Variants in KHDRBS3 observed in about 807,000 individuals in gnomAD.
The protein encoded by KHDRBS3 is KH domain-containing, RNA-binding, signal transduction-associated protein 3.
Under a neutral mutation model 45.6 loss-of-function variants are expected in KHDRBS3, and 23 were observed. The ratio of observed to expected loss-of-function variants is 0.50; its 90% CI spans 0.36 to 0.72. The LOEUF (loss-of-function observed/expected upper bound fraction) is 0.72. KHDRBS3 is among the 30% of genes least tolerant of loss of function. The pLI is 0.00. For synonymous variants in KHDRBS3, 162 were observed against 156.5 expected (o/e 1.04, Z -0.26); for missense variants, 352 against 424.8 (o/e 0.83, Z 1.51).
intron 3 of KHDRBS3, among the ~76,000 whole-genome samples, chr8:135,548,194 C>T (rs1826405083): frequency 6.6e-6 from 1 of 152,172 alleles, no homozygotes; most frequent in Non-Finnish European, 1.5e-5. Flanking sequence ...ATACCAAGCA[C>T]TTCTCTAGAC....
At chr8:135,519,944 A>T (rs920218857) in intron 1 of KHDRBS3, among the ~76,000 whole-genome samples, 2 of 152,236 alleles carry the variant, frequency 1.3e-5, no homozygotes, top group South Asian at 2.1e-4. Flanking sequence ...ATCCCAAGAT[A>T]CTGTAAAAAT....
chr8:135,475,244 C>T (rs1822213211), intron 1 of KHDRBS3, among the ~76,000 whole-genome samples: 1 of 152,162 alleles, frequency 6.6e-6, no homozygotes, highest in Non-Finnish European at 1.5e-5. Flanking sequence ...CATTATTCTG[C>T]CTACCACAGA....
At chr8:135,458,077 TG>T in intron 1 of KHDRBS3, 123 bp downstream of exon 1, 1 of 1,393,896 alleles carries the variant, frequency 7.2e-7, no homozygotes, top group Non-Finnish European at 9.3e-7. Context: ...GAGGCCCGGG[TG>T]GCCCCCGGGG....
chr8:135,515,895 A>G (rs12676517), intron 1 of KHDRBS3, among the ~76,000 whole-genome samples: 28,726 of 152,142 alleles, frequency 0.19, 2,947 homozygotes, highest in East Asian at 0.42. Context: ...ATAGATAACT[A>G]GTTTCTTATA....
intron 5 of KHDRBS3, among the ~76,000 whole-genome samples, chr8:135,560,278 T>C (rs985266695): frequency 1.3e-5 from 2 of 152,260 alleles, no homozygotes; most frequent in Admixed American, 6.5e-5. Flanking sequence ...CTGCTGTATA[T>C]AACTTTATAC....
At chr8:135,622,536 T>C (rs1830190247) in intron 7 of KHDRBS3, among the ~76,000 whole-genome samples, 1 of 152,242 alleles carries the variant, frequency 6.6e-6, no homozygotes. Flanking sequence ...TTATTTCACA[T>C]GTGTAAATAT....
At chr8:135,617,011 T>C (rs1829945683) in intron 7 of KHDRBS3, among the ~76,000 whole-genome samples, 1 of 151,988 alleles carries the variant, frequency 6.6e-6, no homozygotes, top group Non-Finnish European at 1.5e-5. Context: ...CCACAAAAGC[T>C]TGGACTTGAA....
At chr8:135,519,302 C>T (rs1824785102) in intron 1 of KHDRBS3, among the ~76,000 whole-genome samples, 1 of 152,160 alleles carries the variant, frequency 6.6e-6, no homozygotes, top group Admixed American at 6.5e-5. Flanking sequence ...AATTCTGAAG[C>T]TAACTGCGGG....
At chr8:135,536,857 G>A (rs1463702425) in intron 2 of KHDRBS3, among the ~76,000 whole-genome samples, 1 of 149,984 alleles carries the variant, frequency 6.7e-6, no homozygotes, top group Non-Finnish European at 1.5e-5. Flanking sequence ...CTACTCGGGA[G>A]GCTGAGGCAG....
At chr8:135,460,773 G>T (rs1041816494) in intron 1 of KHDRBS3, among the ~76,000 whole-genome samples, 1 of 152,206 alleles carries the variant, frequency 6.6e-6, no homozygotes, top group Admixed American at 6.5e-5. Context: ...AGGCCAAGAG[G>T]CAGTTTTGAA....
intron 7 of KHDRBS3, among the ~76,000 whole-genome samples, chr8:135,627,573 C>A (rs901552933): frequency 6.6e-6 from 1 of 152,216 alleles, no homozygotes; most frequent in Admixed American, 6.5e-5. Context: ...TTTTAACATA[C>A]AAATTAGGGA....
intron 1 of KHDRBS3, among the ~76,000 whole-genome samples, chr8:135,490,990 C>T (rs764709637): frequency 4.6e-5 from 7 of 152,094 alleles, no homozygotes; most frequent in African/African-American, 7.2e-5. Context: ...TGTTTCTTTG[C>T]GTTTCTTTGG....
downstream of KHDRBS3, among the ~76,000 whole-genome samples, chr8:135,652,273 C>T (rs572736309): frequency 4.9e-4 from 74 of 152,280 alleles, no homozygotes; most frequent in Non-Finnish European, 9.4e-4. Flanking sequence ...AAAATCCCGT[C>T]CAGTTGAAGT....
intron 6 of KHDRBS3, among the ~76,000 whole-genome samples, chr8:135,600,182 C>T (rs1829146301): frequency 6.6e-6 from 1 of 152,194 alleles, no homozygotes; most frequent in African/African-American, 2.4e-5. Flanking sequence ...GGTTAATCTT[C>T]CCCTATTGTT....
intron 2 of KHDRBS3, among the ~76,000 whole-genome samples, chr8:135,521,720 GTTTTA>G (rs1055093340): frequency 3.9e-5 from 6 of 152,166 alleles, no homozygotes; most frequent in African/African-American, 1.4e-4. Flanking sequence ...CATTGTTTAT[GTTTTA>G]TTTAAATGCT....
intron 6 of KHDRBS3, among the ~76,000 whole-genome samples, chr8:135,602,962 G>A (rs1829284056): frequency 6.6e-6 from 1 of 152,140 alleles, no homozygotes; most frequent in Non-Finnish European, 1.5e-5. Flanking sequence ...TTGTCTTCCT[G>A]TACCTCCATT....
At chr8:135,468,457 C>T (rs1243793744) in intron 1 of KHDRBS3, among the ~76,000 whole-genome samples, 1 of 152,132 alleles carries the variant, frequency 6.6e-6, no homozygotes, top group Non-Finnish European at 1.5e-5. Flanking sequence ...TGTCTTTATG[C>T]GAAACTCTAC....
At chr8:135,525,415 C>G (rs1293507741) in intron 2 of KHDRBS3, among the ~76,000 whole-genome samples, 1 of 152,162 alleles carries the variant, frequency 6.6e-6, no homozygotes, top group East Asian at 1.9e-4. Context: ...TTCTCAGTCT[C>G]TGCCACTAAA....
intron 5 of KHDRBS3, among the ~76,000 whole-genome samples, chr8:135,559,396 G>A (rs190037310): frequency 4.6e-5 from 7 of 151,962 alleles, no homozygotes; most frequent in African/African-American, 9.7e-5. Flanking sequence ...CCTGTCACCC[G>A]GGCTGGAGTG....
Sources: gnomAD v4.1 joint callset for allele counts (sites outside exome capture counted in the v4.1 genomes callset) on GRCh38, gnomAD v4.1.1 for gene constraint, MANE v1.5 for transcripts, NCBI Gene and HGNC (gene_info 2026-07-23, HGNC 2026-07-21) for gene names.